STAB2: variants seen among roughly 807,000 people sequenced by gnomAD.
STAB2 encodes the protein stabilin 2, also known as stabilin-2.
Under a neutral mutation model 338.1 loss-of-function variants are expected in STAB2, and 288 were observed. The observed-to-expected ratio is 0.85, with a 90% CI of 0.77 to 0.94. STAB2 has a LOEUF of 0.94. STAB2 is among the 40% of genes least tolerant of loss of function. STAB2 has a pLI of 0.00. For synonymous variants in STAB2, 1,202 were observed against 1,193.3 expected (o/e 1.01, Z -0.15); for missense variants, 3,141 against 3,210.1 (o/e 0.98, Z 0.52).
chr12:103,752,284 A>G (rs1014779759), intron 60 of STAB2, among the ~76,000 whole-genome samples: 1 of 152,230 alleles, frequency 6.6e-6, no homozygotes, highest in African/African-American at 2.4e-5. Context: ...AGAGACAAGG[A>G]ACACTTTTCC....
intron 21 of STAB2, 129 bp downstream of exon 21, chr12:103,669,756 A>G: frequency 1.3e-6 from 1 of 751,526 alleles, no homozygotes; most frequent in South Asian, 1.7e-5. Flanking sequence ...TACTAAAAGA[A>G]CAGCAGGTGT....
chr12:103,705,101 G>T (rs780519653), intron 36 of STAB2: 38 of 156,420 alleles, frequency 2.4e-4, no homozygotes, highest in Non-Finnish European at 4.4e-4. Context: ...ACATTACAAA[G>T]AATACTCATG....
intron 3 of STAB2, among the ~76,000 whole-genome samples, chr12:103,603,864 A>AT (rs1446670197): frequency 6.6e-6 from 1 of 152,156 alleles, no homozygotes; most frequent in Non-Finnish European, 1.5e-5. Flanking sequence ...GTAGCTCTCC[A>AT]TTTACTTAGG....
At chr12:103,676,545 A>G (rs1218294620) in intron 24 of STAB2, among the ~76,000 whole-genome samples, 1 of 152,146 alleles carries the variant, frequency 6.6e-6, no homozygotes, top group East Asian at 1.9e-4. Flanking sequence ...CAGTGGTGAA[A>G]TCATAGCTCA....
chr12:103,717,921 G>A lies in STAB2; in HGVS notation c.4683+80G>A, dbSNP rs553565405. ...CCACCCCACTTCTCGGGGATGCAGAGTTGAGGAACTCTTCCTCTGGAGGCC... is the reference window on the plus strand; with the variant it reads ...CCACCCCACTTCTCGGGGATGCAGAATTGAGGAACTCTTCCTCTGGAGGCC... On this transcript the variant is annotated intron_variant, in intron 44 of 68. Transcript: ENST00000388887. The A allele has an allele frequency of 4.2e-6, 6 of 1,430,102 alleles. No individual in the cohort carries two copies. In the South Asian group the frequency reaches 7.0e-5, roughly 17 times the overall value. 88.6% of individuals were successfully genotyped at this position (1,430,102 alleles called of 1,614,324 possible). A position where few individuals can be genotyped will look rare whatever the true frequency, so the allele number is the denominator to read the frequency against.
intron 6 of STAB2, among the ~76,000 whole-genome samples, chr12:103,633,884 A>C (rs1333707301): frequency 6.6e-6 from 1 of 152,220 alleles, no homozygotes; most frequent in Non-Finnish European, 1.5e-5. Context: ...GGATTCCTAC[A>C]ACCTACGGGA....
chr12:103,743,234 C>G (rs1882735160), intron 56 of STAB2, among the ~76,000 whole-genome samples: 1 of 151,912 alleles, frequency 6.6e-6, no homozygotes, highest in South Asian at 2.1e-4. Context: ...GTTGGTCAGG[C>G]TGGTCTCAAA....
intron 2 of STAB2, chr12:103,592,137 G>C (rs1348201417): frequency 6.6e-6 from 1 of 152,042 alleles, no homozygotes; most frequent in Non-Finnish European, 1.5e-5. Flanking sequence ...ACTTTTACCT[G>C]TTCCTCCTTT....
In STAB2 at chr12:103,655,530, A is replaced by C; in HGVS notation, c.1683A>C (p.Glu561Asp). The C allele has an allele frequency of 6.2e-7, 1 of 1,614,036 alleles. No homozygotes were observed. Among genetic ancestry groups the C allele is most frequent in the South Asian group, 1.1e-5 (1 of 91,068 alleles). The change falls in exon 15 of 69, where the codon GAA (glutamate) becomes GAC (aspartate). Residue 561 changes from glutamate (E) to aspartate (D), a missense_variant. Transcript: ENST00000388887. ...ACACCATTTTTGTTCCAAATAATGA[A>C]GCATTGAATAACATGAAGGACGGCA... The part of the protein sequence containing the change: ...GPYTIFVPNN[E>D]ALNNMKDGTL...
intron 24 of STAB2, among the ~76,000 whole-genome samples, chr12:103,677,047 G>A (rs1035595894): frequency 2.0e-5 from 3 of 152,146 alleles, no homozygotes; most frequent in South Asian, 2.1e-4. Flanking sequence ...TGAGAGGCCC[G>A]GGAGCTAGTA....
chr12:103,637,089 C>G (rs1253694147), intron 6 of STAB2, 22 bp from the exon 7 acceptor site: 1 of 1,587,176 alleles, frequency 6.3e-7, no homozygotes, highest in Non-Finnish European at 8.5e-7. Flanking sequence ...AATGCAAGTA[C>G]TTCAACAATT....
intron 59 of STAB2, among the ~76,000 whole-genome samples, chr12:103,749,735 G>T (rs1474767420): frequency 1.3e-5 from 2 of 150,748 alleles, no homozygotes; most frequent in East Asian, 3.9e-4. Flanking sequence ...AGCTACTCGG[G>T]AGGCTGAGGC....
At chr12:103,651,192 G>T (rs1226593461) in intron 11 of STAB2, among the ~76,000 whole-genome samples, 1 of 152,024 alleles carries the variant, frequency 6.6e-6, no homozygotes, top group South Asian at 2.1e-4. Flanking sequence ...TTATCGATTT[G>T]TATACAACTT....
At chr12:103,691,261 T>A (rs1178210784) in intron 30 of STAB2, among the ~76,000 whole-genome samples, 3 of 152,228 alleles carry the variant, frequency 2.0e-5, no homozygotes, top group Non-Finnish European at 4.4e-5. Context: ...GCTACATCCA[T>A]GAACCATGGG....
chr12:103,590,172 A>G (rs1956774497), intron 1 of STAB2, among the ~76,000 whole-genome samples: 1 of 152,200 alleles, frequency 6.6e-6, no homozygotes, highest in Non-Finnish European at 1.5e-5. Flanking sequence ...GGATCATTCA[A>G]TTTAGTAGTT....
chr12:103,641,771 C>G (rs1872943344), intron 9 of STAB2, among the ~76,000 whole-genome samples: 1 of 152,106 alleles, frequency 6.6e-6, no homozygotes, highest in South Asian at 2.1e-4. Context: ...GTCAGATAAC[C>G]TAACATTGTG....
chr12:103,669,285 C>T (rs774034481), intron 20 of STAB2: 1 of 421,688 alleles, frequency 2.4e-6, no homozygotes, highest in East Asian at 3.9e-5. Context: ...AGAACGTTGG[C>T]TCCACAAGCA....
chr12:103,763,835 CA>C (rs1188850726), intron 68 of STAB2: 68 of 447,402 alleles, frequency 1.5e-4, no homozygotes, highest in African/African-American at 1.3e-3. Context: ...CAAACAGAGA[CA>C]GGCGAGAACA....
intron 68 of STAB2, among the ~76,000 whole-genome samples, chr12:103,765,555 T>C (rs1192339555): frequency 5.3e-5 from 8 of 152,236 alleles, no homozygotes; most frequent in African/African-American, 1.9e-4. Context: ...AGGCTTGGCA[T>C]GGCCACCTCT....
Sources: allele counts gnomAD v4.1 joint callset (sites outside exome capture counted in the v4.1 genomes callset), GRCh38; gene constraint gnomAD v4.1.1; transcripts MANE v1.5; gene names NCBI Gene and HGNC (gene_info 2026-07-23, HGNC 2026-07-21).